The following ZNF462 variants were observed in gnomAD, a reference collection of about 807,000 sequenced individuals.
ZNF462 encodes the protein zinc finger protein 462.
In ZNF462, 10 loss-of-function variants were observed where a neutral mutation model predicts 201.9. That is an observed-to-expected ratio of 0.05 (90% CI 0.03 to 0.08). The LOEUF (loss-of-function observed/expected upper bound fraction) is 0.08, where lower values mean the gene tolerates loss of function less well. ZNF462 is among the 10% of genes least tolerant of loss of function. The pLI, the probability that ZNF462 is intolerant of heterozygous loss-of-function variation, is 1.00. For missense variants in ZNF462, 2,523 were observed against 3,168.3 expected (o/e 0.80, Z 4.89); for synonymous variants, 1,227 against 1,193.3 (o/e 1.03, Z -0.58).
At chr9:106,892,097 T>C (rs1395480017) in intron 1 of ZNF462, among the ~76,000 whole-genome samples, 2 of 152,236 alleles carry the variant, frequency 1.3e-5, no homozygotes, top group South Asian at 2.1e-4. Flanking sequence ...GATTAAGACA[T>C]GAAGACTAGG....
intron 10 of ZNF462, among the ~76,000 whole-genome samples, chr9:106,996,958 A>C (rs1209306454): frequency 6.6e-6 from 1 of 152,176 alleles, no homozygotes; most frequent in Non-Finnish European, 1.5e-5. Flanking sequence ...TTAAACAAAG[A>C]AGCACAATTC....
Position 106,870,436 on chromosome 9 carries a change from C to G in ZNF462, c.-31+7081C>G, listed in dbSNP as rs763275273. ...TGCTGCGCCTGTCCACATCTTACCC[C>G]CAACCTTATTCAAAGAGTAGACCCT... On this transcript the variant is annotated intron_variant, in intron 1 of 12. Coordinates refer to ENST00000277225, the MANE Select transcript of ZNF462 (RefSeq NM_021224.6). This position sits in a 1 kb window ranked among gnomAD's most constrained non-coding sequence, Gnocchi z 4.3. Among the ~76,000 whole-genome samples, 4 of 152,102 alleles carry G rather than the reference C, an allele frequency of 2.6e-5. No individual in the cohort carries two copies. Among genetic ancestry groups the G allele is most frequent in the Non-Finnish European group, 5.9e-5 (4 of 68,020 alleles).
chr9:106,925,034 T>G lies in ZNF462; in HGVS notation c.1122T>G (p.Ser374=), dbSNP rs369455547. The G allele has an allele frequency of 6.2e-7, 1 of 1,614,180 alleles. No individual in the cohort carries two copies. Among genetic ancestry groups the G allele is most frequent in the South Asian group, 1.1e-5 (1 of 91,084 alleles). ...GAATGACTGACATGACCAATTCTTC[T>G]GCTGACCTGGAAACTAACAGCATGC... ...RYGMTDMTNS[S]ADLETNSMLN... is the part of the protein sequence containing the mutation. Residue 374 remains serine, a synonymous_variant, in exon 3 of 13, where the codon TCT becomes TCG. Coordinates refer to ENST00000277225, the MANE Select transcript of ZNF462 (RefSeq NM_021224.6). The surrounding 1 kb of genome is among the most constrained non-coding windows in gnomAD (Gnocchi z 7.9).
intron 7 of ZNF462, among the ~76,000 whole-genome samples, chr9:106,955,171 T>C (rs1831519436): frequency 6.6e-6 from 1 of 152,098 alleles, no homozygotes; most frequent in South Asian, 2.1e-4. Context: ...TGAGATCTGA[T>C]TATCTTTGTA....
chr9:106,926,102 C>T lies in ZNF462; in HGVS notation c.2190C>T (p.Asn730=), dbSNP rs141539556. 2.7e-5 allele frequency: 43 copies of T among 1,613,984 alleles called. No homozygotes were observed. The African/African-American group carries it at 3.3e-4, about 13-fold the overall frequency. Residue 730 remains asparagine, a synonymous_variant, in exon 3 of 13, where the codon AAC becomes AAT. Coordinates refer to ENST00000277225, the MANE Select transcript of ZNF462 (RefSeq NM_021224.6). The surrounding 1 kb of genome is among the most constrained non-coding windows in gnomAD (Gnocchi z 7.9). ...VEDDEEEEED[N]EVEIEVELDR... ...ATGATGAAGAGGAAGAGGAAGACAACGAAGTCGAGATAGAGGTTGAGTTGG... is the reference window on the plus strand; with the variant it reads ...ATGATGAAGAGGAAGAGGAAGACAATGAAGTCGAGATAGAGGTTGAGTTGG...
intron 1 of ZNF462, among the ~76,000 whole-genome samples, chr9:106,901,183 C>T (rs561722329): frequency 6.6e-6 from 1 of 152,210 alleles, no homozygotes; most frequent in East Asian, 1.9e-4. Context: ...TGTTCTTTCC[C>T]CACTTTATGT....
chr9:106,863,673 G>A (rs572029401), intron 1 of ZNF462, among the ~76,000 whole-genome samples: 6 of 152,226 alleles, frequency 3.9e-5, no homozygotes, highest in African/African-American at 1.4e-4. Flanking sequence ...TTTCCTGCTG[G>A]CTGCTGCTCC....
chr9:106,972,368 A>G lies in ZNF462; in HGVS notation c.6695+96A>G, dbSNP rs1318359299. 6 of 1,506,624 alleles carry G rather than the reference A, an allele frequency of 4.0e-6. No individual in the cohort carries two copies. In the East Asian group the frequency reaches 1.4e-4, roughly 34 times the overall value. The allele number at this position is 1,506,624 out of a possible 1,614,324, so 93.3% of individuals were successfully genotyped here. Reference sequence around the variant, plus strand: ...CCTTACACTTTCCTACTTGGAGCTTATGGGAGGCCCTGCCCATGTGATGAT... The same window carrying G: ...CCTTACACTTTCCTACTTGGAGCTTGTGGGAGGCCCTGCCCATGTGATGAT... On this transcript the variant is annotated intron_variant, in intron 8 of 12. Coordinates refer to ENST00000277225, the MANE Select transcript of ZNF462 (RefSeq NM_021224.6). This position sits in a 1 kb window ranked among gnomAD's most constrained non-coding sequence, Gnocchi z 4.8.
rs1252790080 is a variant in ZNF462, at chr9:106,928,241, A to G, written c.4329A>G (p.Glu1443=). 1 of 1,614,044 alleles carries G rather than the reference A, an allele frequency of 6.2e-7. No individual in the cohort carries two copies. Among genetic ancestry groups the G allele is most frequent in the East Asian group, 2.2e-5 (1 of 44,850 alleles). Residue 1443 remains glutamate (E), a synonymous_variant, in exon 3 of 13, where the codon GAA becomes GAG. Coordinates refer to ENST00000277225, the MANE Select transcript of ZNF462 (RefSeq NM_021224.6). The surrounding 1 kb of genome is among the most constrained non-coding windows in gnomAD (Gnocchi z 9.3). ...IPTPFPEQEA[E]CPEDARLSPE... is the part of the protein sequence containing the mutation. Reference sequence around the variant, plus strand: ...CCCCTTTCCCGGAGCAGGAAGCTGAATGTCCAGAGGATGCAAGACTGTCCC... The same window carrying G: ...CCCCTTTCCCGGAGCAGGAAGCTGAGTGTCCAGAGGATGCAAGACTGTCCC...
Position 106,928,446 on chromosome 9 carries a change from G to C in ZNF462, c.4534G>C (p.Gly1512Arg), listed in dbSNP as rs201215378. Residue 1512 changes from glycine (G) to arginine (R), a missense_variant, in exon 3 of 13, where the codon GGT (glycine) becomes CGT (arginine). Physicochemically the swap from Gly to Arg is moderately radical, Grantham distance 125. Around this residue, in one of 15 missense-constraint regions of ZNF462, gnomAD observed 200 missense variants for 281.3 expected, o/e 0.71. Transcript: ENST00000277225. The surrounding 1 kb of genome is among the most constrained non-coding windows in gnomAD (Gnocchi z 9.3). ...DFAQDIDINP[G>R]AVYKCRHCPY... ...TGCCCAGGACATTGACATCAACCCA[G>C]GTGCCGTCTACAAATGCAGGCATTG... 338 of 1,614,016 alleles carry C rather than the reference G, an allele frequency of 2.1e-4. No homozygotes were observed. Among genetic ancestry groups the C allele is most frequent in the Non-Finnish European group, 2.7e-4 (315 of 1,180,036 alleles).
Position 106,923,670 on chromosome 9 carries a change from G to T in ZNF462, c.220+67G>T. 1 of 1,540,148 alleles carries T rather than the reference G, an allele frequency of 6.5e-7. No homozygotes were observed. ...TGCTCTTGTTTCCTTTTAGCCTGTA[G>T]CCATGGTTCTTAATATACGTGGCTT... On this transcript the variant is annotated intron_variant, in intron 2 of 12. Coordinates refer to ENST00000277225, the MANE Select transcript of ZNF462 (RefSeq NM_021224.6). This position sits in a 1 kb window ranked among gnomAD's most constrained non-coding sequence, Gnocchi z 5.6.
rs1829755823 is a variant in ZNF462 at position 107,008,969 on chromosome 9, T to C, written c.7190-576T>C. ...TCATGGTAGATTCTTCGCTTGCAGATCTCATTCAGTGCACATAACCGCCCT... is the reference window on the plus strand; with the variant it reads ...TCATGGTAGATTCTTCGCTTGCAGACCTCATTCAGTGCACATAACCGCCCT... On this transcript the variant is annotated intron_variant, in intron 11 of 12. Transcript: ENST00000277225. This position sits in a 1 kb window ranked among gnomAD's most constrained non-coding sequence, Gnocchi z 4.8. Among the ~76,000 whole-genome samples, 1 of 152,172 alleles carries C rather than the reference T, an allele frequency of 6.6e-6. No homozygotes were observed. The highest frequency in any genetic ancestry group is 1.5e-5 in the Non-Finnish European group (1 of 68,028).
rs1827703740 is a variant in ZNF462, at chr9:106,984,756, G to A, written c.7056+347G>A. Reference sequence around the variant, plus strand: ...ACATTTTTTAAAGCTTATTCTAAAAGAAGTATTTTGCTATGTTATTTGAAA... The same window carrying A: ...ACATTTTTTAAAGCTTATTCTAAAAAAAGTATTTTGCTATGTTATTTGAAA... On this transcript the variant is annotated intron_variant, in intron 10 of 12. Transcript: ENST00000277225. The surrounding 1 kb of genome is among the most constrained non-coding windows in gnomAD (Gnocchi z 6.4). 6.6e-6 allele frequency among the ~76,000 whole-genome samples: 1 copy of A among 152,158 alleles called. No homozygotes were observed. The highest frequency in any genetic ancestry group is 2.4e-5 in the African/African-American group (1 of 41,444).
Position 106,927,204 on chromosome 9 carries a change from T to TGGGCCC in ZNF462, c.3292_3293insGGGCCC (p.Ser1098delinsTrpAlaPro). The TGGGCCC allele has an allele frequency of 6.4e-7, 1 of 1,570,598 alleles. No homozygotes were observed. Among genetic ancestry groups the TGGGCCC allele is most frequent in the Non-Finnish European group, 8.7e-7 (1 of 1,149,946 alleles). On this transcript the variant is annotated protein_altering_variant, in exon 3 of 13. Coordinates refer to ENST00000277225, the MANE Select transcript of ZNF462 (RefSeq NM_021224.6). Reference sequence around the variant, plus strand: ...GTCTCCCAAAATGTCCAACATGGGTTCCCCACCCCCCCCACAACCCCCGCC... The same window carrying TGGGCCC: ...GTCTCCCAAAATGTCCAACATGGGTTGGGCCCCCCCACCCCCCCCACAACCCCCGCC...
chr9:106,948,141 T>C (rs1831187390), intron 7 of ZNF462, among the ~76,000 whole-genome samples: 2 of 151,996 alleles, frequency 1.3e-5, no homozygotes, highest in Admixed American at 6.6e-5. Flanking sequence ...TGAGCAGAGA[T>C]ACAGGAGAAA....
At chr9:106,940,674 T>C (rs992782434) in intron 7 of ZNF462, among the ~76,000 whole-genome samples, 2 of 152,198 alleles carry the variant, frequency 1.3e-5, no homozygotes, top group African/African-American at 4.8e-5. Context: ...TTATGATGGC[T>C]ACGACTTGTA....
chr9:106,991,757 A>G (rs192340093), intron 10 of ZNF462, among the ~76,000 whole-genome samples: 115 of 151,694 alleles, frequency 7.6e-4, no homozygotes, highest in Admixed American at 5.9e-3. Flanking sequence ...TAATAGGGAA[A>G]GGATGATTTT....
At chr9:106,971,472 C>A (rs1826609249) in intron 7 of ZNF462, among the ~76,000 whole-genome samples, 1 of 151,440 alleles carries the variant, frequency 6.6e-6, no homozygotes, top group South Asian at 2.1e-4. Flanking sequence ...ACCATGAGCC[C>A]TCAAAGTCAG....
rs936014527 is a variant in ZNF462 at position 106,865,194 on chromosome 9, TAA to T, written c.-31+1841_-31+1842del. 2.1e-4 allele frequency among the ~76,000 whole-genome samples: 32 copies of T among 152,178 alleles called. 1 individual carries two copies. The highest frequency in any genetic ancestry group is 6.5e-5 in the Admixed American group (1 of 15,282). On this transcript the variant is annotated intron_variant, in intron 1 of 12. Transcript: ENST00000277225. This position sits in a 1 kb window ranked among gnomAD's most constrained non-coding sequence, Gnocchi z 4.1. ...TGAGGCGTTTGTTTCCATTTTAAAG[TAA>T]ACTTTTGGAATTTTTTTTCTCCTTT...
Sources: gnomAD v4.1 joint callset for allele counts (sites outside exome capture counted in the v4.1 genomes callset) on GRCh38, gnomAD v4.1.1 for gene constraint, gnomAD v4.1.1 regional missense constraint, Gnocchi (gnomAD v3.1) non-coding constraint, MANE v1.5 for transcripts, NCBI Gene and HGNC (gene_info 2026-07-23, HGNC 2026-07-21) for gene names.